OXTR: variants seen among roughly 807,000 people sequenced by gnomAD.
OXTR encodes the protein oxytocin receptor.
In OXTR, 19 loss-of-function variants were observed where a neutral mutation model predicts 23.9. The ratio of observed to expected loss-of-function variants is 0.80; its 90% CI spans 0.56 to 1.17. The LOEUF (loss-of-function observed/expected upper bound fraction) is 1.17, where lower values mean the gene tolerates loss of function less well. OXTR is among the 50% of genes most tolerant of loss of function. The probability of loss-of-function intolerance (pLI) is 0.00; values close to 1 mark genes in which losing one functional copy is unlikely to be tolerated. For missense variants in OXTR, 500 were observed against 550.7 expected, an observed-to-expected ratio of 0.91 and a Z score of 0.92; for synonymous variants, 278 against 250.5, an observed-to-expected ratio of 1.11 and a Z score of -1.04.
In OXTR at chr3:8,750,573, T is replaced by A. The variant is rs915500024; in HGVS notation, c.*2404A>T. 1.3e-5 allele frequency: 2 copies of A among 152,248 alleles called. No homozygotes were observed. Among genetic ancestry groups the A allele is most frequent in the African/African-American group, 4.8e-5 (2 of 41,460 alleles). The allele number at this position is 152,248 out of a possible 1,614,324, so 9.4% of individuals were successfully genotyped here. A position where few individuals can be genotyped will look rare whatever the true frequency, so the allele number is the denominator to read the frequency against. ...GCCTCCAGGCCCTGGCAAACGCTAA[T>A]CTATATTCACTCTATATAGATTCGT... On this transcript the variant is annotated 3_prime_UTR_variant, in exon 4 of 4. Coordinates refer to ENST00000316793, the MANE Select transcript of OXTR (RefSeq NM_000916.4).
Position 8,767,513 on chromosome 3 carries a change from G to C in OXTR, c.675C>G (p.Phe225Leu), listed in dbSNP as rs1274051168. Residue 225 changes from phenylalanine to leucine, a missense_variant, in exon 3 of 4, where the codon TTC becomes TTG. Phe to Leu is a conservative substitution (Grantham distance 22, BLOSUM62 0). Transcript: ENST00000316793. ...TGAGCCGCAAGTTCTGCCAGATCTT[G>C]AAGCTGATAAGGCCGTAGCAGGCAG... ...VLAACYGLIS[F>L]KIWQNLRLKT... 6.2e-7 allele frequency: 1 copy of C among 1,612,528 alleles called. No individual in the cohort carries two copies. The highest frequency in any genetic ancestry group is 1.1e-5 in the South Asian group (1 of 90,994).
At chr3:8,764,083 T>C (rs1363929169) in intron 3 of OXTR, among the ~76,000 whole-genome samples, 2 of 151,988 alleles carry the variant, frequency 1.3e-5, no homozygotes, top group South Asian at 2.1e-4. Context: ...GGGAATGAAG[T>C]TGCTCAAGGG....
At position 8,752,131 on chromosome 3, in the gene OXTR, G is replaced by A. The variant is rs575743342; in HGVS notation, c.*846C>T. The stretch of plus-strand genomic sequence containing the variant: ...ATTATAAATGGAATTATTTAACTTC[G>A]TTTTCATATTGTTTGTTGCTAGTAT... On this transcript the variant is annotated 3_prime_UTR_variant, in exon 4 of 4. Transcript: ENST00000316793. 60 of 151,762 alleles carry A rather than the reference G, an allele frequency of 4.0e-4. 2 individuals carry two copies. Among genetic ancestry groups the A allele is most frequent in the African/African-American group, 7.0e-4 (29 of 41,370 alleles). The allele number at this position is 151,762 out of a possible 1,614,324, so 9.4% of individuals were successfully genotyped here. A position where few individuals can be genotyped will look rare whatever the true frequency, so the allele number is the denominator to read the frequency against.
intron 3 of OXTR, among the ~76,000 whole-genome samples, chr3:8,764,251 A>G (rs1457610458): frequency 6.6e-6 from 1 of 152,144 alleles, no homozygotes; most frequent in Non-Finnish European, 1.5e-5. Flanking sequence ...TGGGGTTTTC[A>G]TGATAAAGCA....
rs237903 is a variant in OXTR at position 8,768,102 on chromosome 3, G to A, written c.86C>T (p.Ala29Val). 7.0e-7 allele frequency: 1 copy of A among 1,431,004 alleles called. No individual in the cohort carries two copies. Among genetic ancestry groups the A allele is most frequent in the Admixed American group, 2.8e-5 (1 of 35,930 alleles). The allele number at this position is 1,431,004 out of a possible 1,614,324, so 88.6% of individuals were successfully genotyped here. A position where few individuals can be genotyped will look rare whatever the true frequency, so the allele number is the denominator to read the frequency against. Residue 29 changes from alanine (A) to valine (V), a missense_variant, in exon 3 of 4, where the codon GCC (alanine) becomes GTC (valine). Coordinates refer to ENST00000316793, the MANE Select transcript of OXTR (RefSeq NM_000916.4). This position sits in a 1 kb window ranked among gnomAD's most constrained non-coding sequence, Gnocchi z 5.4. Reference protein sequence around the residue: ...APPGAEGNRTAGPPRRNEALA... With the variant: ...APPGAEGNRTVGPPRRNEALA... ...GGCCTCGTTGCGCCGCGGGGGTCCG[G>A]CGGTGCGGTTGCCCTCGGCCCCCGG...
chr3:8,753,584 C>T (rs1233926429), intron 3 of OXTR, among the ~76,000 whole-genome samples: 1 of 152,222 alleles, frequency 6.6e-6, no homozygotes, highest in African/African-American at 2.4e-5. Context: ...GTGCCTACAA[C>T]TTCGAGTGTC....
Position 8,753,156 on chromosome 3 carries a change from G to T in OXTR, c.991C>A (p.Leu331Met). ...TCGTGGAAGAGGTGGCCCGTGAACA[G>T]CATGTAGATCCAGGGGTTGCAGCAG... is the stretch of plus-strand genomic sequence containing the variant. Reference protein sequence around the residue: ...NSCCNPWIYMLFTGHLFHELV... With the variant: ...NSCCNPWIYMMFTGHLFHELV... The change falls in exon 4 of 4, where the codon CTG (leucine) becomes ATG (methionine). Residue 331 changes from leucine (L) to methionine (M), a missense_variant. By Grantham distance (15) the Leu-to-Met change is conservative (BLOSUM62 2). Transcript: ENST00000316793. 1 of 1,614,190 alleles carries T rather than the reference G, an allele frequency of 6.2e-7. No homozygotes were observed. The highest frequency in any genetic ancestry group is 1.1e-5 in the South Asian group (1 of 91,084).
intron 3 of OXTR, among the ~76,000 whole-genome samples, chr3:8,759,882 C>T (rs1708451179): frequency 6.6e-6 from 1 of 152,186 alleles, no homozygotes. Flanking sequence ...CACTGGACAC[C>T]ACCTGGTTAC....
At chr3:8,761,623 A>C (rs1219927929) in intron 3 of OXTR, among the ~76,000 whole-genome samples, 1 of 152,144 alleles carries the variant, frequency 6.6e-6, no homozygotes, top group Non-Finnish European at 1.5e-5. Flanking sequence ...TCTAAGCCTC[A>C]GTTTCATCAT....
intron 3 of OXTR, among the ~76,000 whole-genome samples, chr3:8,763,512 C>T (rs1033689866): frequency 6.6e-6 from 1 of 152,232 alleles, no homozygotes; most frequent in Non-Finnish European, 1.5e-5. Flanking sequence ...AAACTCCCTC[C>T]TCATCCTCAT....
chr3:8,758,937 G>A (rs1575486338), intron 3 of OXTR, among the ~76,000 whole-genome samples: 1 of 152,318 alleles, frequency 6.6e-6, no homozygotes, highest in East Asian at 1.9e-4. Context: ...GTTGGTAAAA[G>A]GTCATATGTT....
At chr3:8,748,071 T>C (rs1359899447), downstream of OXTR, among the ~76,000 whole-genome samples, 8 of 152,050 alleles carry the variant, frequency 5.3e-5, no homozygotes, top group African/African-American at 1.9e-4. Context: ...AGAATGGGCC[T>C]GAGGCAGGAG....
chr3:8,758,323 G>C (rs1035649577), intron 3 of OXTR, among the ~76,000 whole-genome samples: 1 of 152,078 alleles, frequency 6.6e-6, no homozygotes, highest in African/African-American at 2.4e-5. Flanking sequence ...CGCCTCTCCG[G>C]GCTGTGCTGT....
chr3:8,743,308 C>T, the OXTR span, among the ~76,000 whole-genome samples: 1 of 152,222 alleles, frequency 6.6e-6, no homozygotes, highest in Non-Finnish European at 1.5e-5. Flanking sequence ...AGGATCCAGG[C>T]CCTGGGGGTT....
intron 3 of OXTR, among the ~76,000 whole-genome samples, chr3:8,757,758 C>T (rs1708402956): frequency 6.6e-6 from 1 of 152,122 alleles, no homozygotes; most frequent in African/African-American, 2.4e-5. Context: ...AGAGGCTGTC[C>T]ACCCGGACTC....
chr3:8,755,684 C>CA (rs1708356911), intron 3 of OXTR, among the ~76,000 whole-genome samples: 1 of 152,202 alleles, frequency 6.6e-6, no homozygotes, highest in Non-Finnish European at 1.5e-5. Flanking sequence ...GAAGGGCCCT[C>CA]TCTAAGCTGA....
Position 8,768,182 on chromosome 3 carries a change from C to T in OXTR, c.6G>A (p.Glu2=). The T allele has an allele frequency of 7.7e-7, 1 of 1,301,838 alleles. No homozygotes were observed. The allele number at this position is 1,301,838 out of a possible 1,614,324, so 80.6% of individuals were successfully genotyped here. A position where few individuals can be genotyped will look rare whatever the true frequency, so the allele number is the denominator to read the frequency against. The change falls in exon 3 of 4, where the codon GAG becomes GAA. Residue 2 remains glutamate, a synonymous_variant. Coordinates refer to ENST00000316793, the MANE Select transcript of OXTR (RefSeq NM_000916.4). The surrounding 1 kb of genome is among the most constrained non-coding windows in gnomAD (Gnocchi z 5.4). ...CGCTCCAGTTGGCTGCGAGCGCGCC[C>T]TCCATGACCCTGGCGGCAGCGGTGC... is the stretch of plus-strand genomic sequence containing the variant. M[E]GALAANWSAE...
At chr3:8,749,307 C>T (rs1055578435), downstream of OXTR, among the ~76,000 whole-genome samples, 2 of 152,258 alleles carry the variant, frequency 1.3e-5, no homozygotes, top group Non-Finnish European at 1.5e-5. Context: ...AGCTTTCACA[C>T]GAAGAGAGTG....
chr3:8,765,228 CCA>C (rs955559731), intron 3 of OXTR, among the ~76,000 whole-genome samples: 5 of 152,084 alleles, frequency 3.3e-5, no homozygotes, highest in Non-Finnish European at 7.4e-5. Context: ...GACGTGTTGA[CCA>C]CACACTCTCC....
Sources: allele counts gnomAD v4.1 joint callset (sites outside exome capture counted in the v4.1 genomes callset), GRCh38; gene constraint gnomAD v4.1.1; non-coding constraint Gnocchi (gnomAD v3.1); transcripts MANE v1.5; gene names NCBI Gene and HGNC (gene_info 2026-07-23, HGNC 2026-07-21).